Variants in CNST observed in about 807,000 individuals in gnomAD.
The protein encoded by CNST is consortin, connexin sorting protein.
Under a neutral mutation model 72.4 loss-of-function variants are expected in CNST, and 39 were observed. That is an observed-to-expected ratio of 0.54 (90% CI 0.42 to 0.70). The LOEUF (loss-of-function observed/expected upper bound fraction) is 0.70. CNST is among the 30% of genes least tolerant of loss of function. The pLI is 0.00. For missense variants in CNST, 871 were observed against 868.5 expected, an observed-to-expected ratio of 1.00 and a Z score of -0.04; for synonymous variants, 332 against 320.1, an observed-to-expected ratio of 1.04 and a Z score of -0.40.
intron 8 of CNST, among the ~76,000 whole-genome samples, chr1:246,645,272 G>A (rs1476623534): frequency 1.4e-5 from 2 of 142,798 alleles, no homozygotes; most frequent in African/African-American, 5.0e-5. Context: ...GTATCAATAT[G>A]TTTTTGGAGT....
intron 2 of CNST, among the ~76,000 whole-genome samples, chr1:246,620,876 G>A (rs116382285): frequency 1.8e-3 from 241 of 136,896 alleles, no homozygotes; most frequent in Non-Finnish European, 3.0e-3. Flanking sequence ...TCAGTCATGC[G>A]TACACACTAT....
rs373128671 is a variant in CNST at position 246,634,343 on chromosome 1, T to C, written c.704-130T>C. The stretch of plus-strand genomic sequence containing the variant: ...AAGTAATAAGTTAGTTATTTCTAAC[T>C]GTTGGGTTGTTTGAAAAGATAATTT... On this transcript the variant is annotated intron_variant, in intron 5 of 10. Transcript: ENST00000366513. 2,208 of 596,976 alleles carry C rather than the reference T, an allele frequency of 3.7e-3. 81 individuals are homozygous for C. In the South Asian group the frequency reaches 0.047, roughly 13 times the overall value. The allele number at this position is 596,976 out of a possible 1,614,324, so 37.0% of individuals were successfully genotyped here.
chr1:246,613,355 T>A (rs1246852404), intron 2 of CNST, among the ~76,000 whole-genome samples: 1 of 152,124 alleles, frequency 6.6e-6, no homozygotes, highest in Non-Finnish European at 1.5e-5. Context: ...GATTCCTGCC[T>A]GCCAGCCTCA....
At chr1:246,658,390 A>C (rs1297796554) in intron 9 of CNST, among the ~76,000 whole-genome samples, 1 of 152,160 alleles carries the variant, frequency 6.6e-6, no homozygotes, top group African/African-American at 2.4e-5. Flanking sequence ...AGGCCACTAA[A>C]GTACTTCTGT....
chr1:246,624,920 C>T (rs911534993), intron 3 of CNST, among the ~76,000 whole-genome samples: 5 of 152,226 alleles, frequency 3.3e-5, no homozygotes, highest in African/African-American at 1.2e-4. Flanking sequence ...TCCCAAAGTG[C>T]TGGGATTACA....
At chr1:246,605,638 C>T (rs185232934) in intron 2 of CNST, among the ~76,000 whole-genome samples, 35 of 152,046 alleles carry the variant, frequency 2.3e-4, no homozygotes, top group African/African-American at 6.7e-4. Flanking sequence ...CTCTGTCTAT[C>T]CTCGGTGGTG....
In CNST at chr1:246,635,189, A is replaced by G. The variant is rs540544936; in HGVS notation, c.818+602A>G. Among the ~76,000 whole-genome samples the G allele has an allele frequency of 3.6e-3, 549 of 152,060 alleles. 5 individuals carry two copies. The highest frequency in any genetic ancestry group is 0.012 in the African/African-American group (480 of 41,406). ...CATAACTACTTCAGGTGTGACATAG[A>G]GGGTGGCGTGGGCACCTCGGAAAAA... On this transcript the variant is annotated intron_variant, in intron 6 of 10. Transcript: ENST00000366513.
intron 3 of CNST, among the ~76,000 whole-genome samples, chr1:246,630,321 C>T (rs1177927769): frequency 6.6e-6 from 1 of 152,226 alleles, no homozygotes; most frequent in Non-Finnish European, 1.5e-5. Context: ...GGCAGTTTGA[C>T]TTGGTTCATA....
intron 2 of CNST, among the ~76,000 whole-genome samples, chr1:246,602,224 A>G (rs1662332975): frequency 6.6e-6 from 1 of 152,238 alleles, no homozygotes; most frequent in South Asian, 2.1e-4. Context: ...AGAATTGTGC[A>G]TGGTCTGTGC....
At chr1:246,627,562 G>T (rs146332011) in intron 3 of CNST, among the ~76,000 whole-genome samples, 2 of 152,170 alleles carry the variant, frequency 1.3e-5, no homozygotes, top group African/African-American at 4.8e-5. Flanking sequence ...CTAAGCAAAG[G>T]GAGATTTTAA....
chr1:246,599,586 C>T (rs920041853), intron 2 of CNST, among the ~76,000 whole-genome samples: 1 of 152,184 alleles, frequency 6.6e-6, no homozygotes, highest in Admixed American at 6.5e-5. Flanking sequence ...TGGGTCCACC[C>T]ATATATTGCA....
At chr1:246,657,971 G>T (rs979481855) in intron 9 of CNST, among the ~76,000 whole-genome samples, 1 of 152,124 alleles carries the variant, frequency 6.6e-6, no homozygotes, top group African/African-American at 2.4e-5. Flanking sequence ...TAATAGGGTT[G>T]TTTTTTCTAA....
rs1420522005 is a variant in CNST at position 246,668,353 on chromosome 1, G to A, written c.*2448G>A. The A allele has an allele frequency of 1.3e-5, 2 of 152,172 alleles. No individual in the cohort carries two copies. Among genetic ancestry groups the A allele is most frequent in the African/African-American group, 4.8e-5 (2 of 41,428 alleles). 9.4% of individuals were successfully genotyped at this position (152,172 alleles called of 1,614,324 possible). A position where few individuals can be genotyped will look rare whatever the true frequency, so the allele number is the denominator to read the frequency against. The stretch of plus-strand genomic sequence containing the variant: ...ATCTGTACCAACAAAGTGTCTCAGA[G>A]AGTTTATTTGAACCATTGGGTGCTG... On this transcript the variant is annotated 3_prime_UTR_variant, in exon 11 of 11. Coordinates refer to ENST00000366513, the MANE Select transcript of CNST (RefSeq NM_152609.3).
chr1:246,606,901 G>A (rs1351915539), intron 2 of CNST: 1 of 151,380 alleles, frequency 6.6e-6, no homozygotes, highest in African/African-American at 2.4e-5. Context: ...AATCCATCGG[G>A]GCAGTCCGTC....
At chr1:246,649,235 T>A (rs1666314531) in intron 9 of CNST, among the ~76,000 whole-genome samples, 1 of 151,974 alleles carries the variant, frequency 6.6e-6, no homozygotes, top group South Asian at 2.1e-4. Flanking sequence ...AATTTCCATT[T>A]GGGGCAATGA....
At chr1:246,568,719 G>A (rs1332361239) in intron 1 of CNST, among the ~76,000 whole-genome samples, 1 of 152,164 alleles carries the variant, frequency 6.6e-6, no homozygotes, top group Admixed American at 6.5e-5. Context: ...TGGGATTACA[G>A]GCTCCTGCTA....
chr1:246,578,265 C>T (rs1003119695), intron 1 of CNST, among the ~76,000 whole-genome samples: 2 of 152,020 alleles, frequency 1.3e-5, no homozygotes, highest in Non-Finnish European at 2.9e-5. Flanking sequence ...TAAGCAAATT[C>T]GAGACAGTGT....
intron 3 of CNST, among the ~76,000 whole-genome samples, chr1:246,623,715 T>C (rs1325266598): frequency 1.3e-5 from 2 of 151,358 alleles, no homozygotes; most frequent in Non-Finnish European, 2.9e-5. Flanking sequence ...TGGGCGGAGA[T>C]CGCACCACTG....
At chr1:246,595,006 A>G (rs1029107363) in intron 2 of CNST, among the ~76,000 whole-genome samples, 1 of 152,160 alleles carries the variant, frequency 6.6e-6, no homozygotes, top group Admixed American at 6.5e-5. Context: ...TAGTGCATCT[A>G]TAGAGTTTTT....
Sources: allele counts gnomAD v4.1 joint callset (sites outside exome capture counted in the v4.1 genomes callset), GRCh38; gene constraint gnomAD v4.1.1; transcripts MANE v1.5; gene names NCBI Gene and HGNC (gene_info 2026-07-23, HGNC 2026-07-21).